Variants in CACNB4 observed in about 807,000 individuals in gnomAD.
The protein encoded by CACNB4 is voltage-dependent L-type calcium channel subunit beta-4.
In CACNB4, 32 loss-of-function variants were observed where a neutral mutation model predicts 71.2. That is an observed-to-expected ratio of 0.45 (90% CI 0.34 to 0.60). The LOEUF (loss-of-function observed/expected upper bound fraction) is 0.60. Ranked by LOEUF, CACNB4 falls within the 20% of genes least tolerant of loss-of-function variation. CACNB4 has a pLI of 0.01. For synonymous variants in CACNB4, 231 were observed against 236.9 expected (o/e 0.97, Z 0.23); for missense variants, 464 against 647.9 (o/e 0.72, Z 3.08).
chr2:152,035,979 T>C (rs1684570266), intron 2 of CACNB4, among the ~76,000 whole-genome samples: 1 of 152,130 alleles, frequency 6.6e-6, no homozygotes, highest in Admixed American at 6.5e-5. Flanking sequence ...GCAGACAATA[T>C]TATTCAGCCT....
intron 9 of CACNB4, among the ~76,000 whole-genome samples, chr2:151,862,559 G>C (rs1222148928): frequency 6.6e-6 from 1 of 152,208 alleles, no homozygotes; most frequent in Non-Finnish European, 1.5e-5. Flanking sequence ...GGACTAAAGG[G>C]AGGTTCAGTG....
chr2:151,900,461 G>T (rs1559960164), intron 2 of CACNB4, among the ~76,000 whole-genome samples: 1 of 152,174 alleles, frequency 6.6e-6, no homozygotes, highest in Non-Finnish European at 1.5e-5. Context: ...AGAAAAGGTG[G>T]GGGCAGCATG....
Position 151,947,669 on chromosome 2 carries a change from T to C in CACNB4, c.148-64299A>G, listed in dbSNP as rs1040715916. 3.7e-4 allele frequency among the ~76,000 whole-genome samples: 56 copies of C among 152,072 alleles called. 2 individuals are homozygous for C. ...TCATTTGCAAAAAGCTGCGAGGTCG[T>C]CCGGGTCTGGCAGCAAGGCTTCTAT... On this transcript the variant is annotated intron_variant, in intron 2 of 13. Coordinates refer to ENST00000539935, the MANE Select transcript of CACNB4 (RefSeq NM_000726.5).
chr2:151,910,219 C>T (rs949047312), intron 2 of CACNB4, among the ~76,000 whole-genome samples: 7 of 151,726 alleles, frequency 4.6e-5, no homozygotes, highest in African/African-American at 4.8e-5. Context: ...CCCACTTTTT[C>T]GTGGGGTTTT....
chr2:151,979,804 A>G (rs1325613883), intron 2 of CACNB4, among the ~76,000 whole-genome samples: 1 of 152,210 alleles, frequency 6.6e-6, no homozygotes, highest in Non-Finnish European at 1.5e-5. Context: ...GGTTGCAATC[A>G]AAGCTCTCAC....
intron 2 of CACNB4, among the ~76,000 whole-genome samples, chr2:152,085,129 G>A (rs192902745): frequency 2.1e-4 from 32 of 152,224 alleles, no homozygotes; most frequent in African/African-American, 6.5e-4. Flanking sequence ...GCACTTTAAG[G>A]TGAAGGAATG....
chr2:151,963,595 A>T (rs899901015), intron 2 of CACNB4, among the ~76,000 whole-genome samples: 1 of 152,226 alleles, frequency 6.6e-6, no homozygotes, highest in Non-Finnish European at 1.5e-5. Context: ...ATTTCAAGTT[A>T]AAAAGGTTGA....
chr2:151,905,560 A>C (rs950881430), intron 2 of CACNB4, among the ~76,000 whole-genome samples: 4 of 152,224 alleles, frequency 2.6e-5, no homozygotes, highest in Admixed American at 2.6e-4. Flanking sequence ...AATAGCCACA[A>C]ATGTATTTTG....
chr2:151,902,940 T>G (rs764474245), intron 2 of CACNB4, among the ~76,000 whole-genome samples: 1 of 152,188 alleles, frequency 6.6e-6, no homozygotes, highest in Non-Finnish European at 1.5e-5. Context: ...TGCTAATAGT[T>G]TCTGTTTTCA....
rs2099834761 is a variant in CACNB4, at chr2:151,835,764, C to T, written c.*3355G>A. 6.6e-6 allele frequency: 1 copy of T among 151,722 alleles called. No individual in the cohort carries two copies. The highest frequency in any genetic ancestry group is 2.1e-4 in the South Asian group (1 of 4,826). The allele number at this position is 151,722 out of a possible 1,614,324, so 9.4% of individuals were successfully genotyped here. A position where few individuals can be genotyped will look rare whatever the true frequency, so the allele number is the denominator to read the frequency against. On this transcript the variant is annotated 3_prime_UTR_variant, in exon 14 of 14. Coordinates refer to ENST00000539935, the MANE Select transcript of CACNB4 (RefSeq NM_000726.5). ...AAGGCCCCCACACAAAAGACAAGTT[C>T]AAGTATGCAGGTATGAAAAGAGGTT... is the stretch of plus-strand genomic sequence containing the variant.
intron 2 of CACNB4, among the ~76,000 whole-genome samples, chr2:152,035,651 C>CTCTCTCTCTCTCTCTCTCTCTATATA (rs796161186): frequency 5.9e-5 from 7 of 118,040 alleles, no homozygotes; most frequent in African/African-American, 2.5e-4. Context: ...CTCTCTCTCT[C>CTCTCTCTCTCTCTCTCTCTCTATATA]TATATATATA....
At chr2:152,030,639 T>G (rs532747335) in intron 2 of CACNB4, among the ~76,000 whole-genome samples, 1 of 152,280 alleles carries the variant, frequency 6.6e-6, no homozygotes, top group South Asian at 2.1e-4. Context: ...GATGTTCCCC[T>G]TCCTGTGTCC....
At chr2:151,989,731 T>C (rs1681584962) in intron 2 of CACNB4, among the ~76,000 whole-genome samples, 1 of 152,204 alleles carries the variant, frequency 6.6e-6, no homozygotes, top group Non-Finnish European at 1.5e-5. Context: ...GCCTACCAGA[T>C]ACCTCTCCTC....
intron 2 of CACNB4, among the ~76,000 whole-genome samples, chr2:152,092,850 G>GT (rs1487512997): frequency 3.3e-5 from 5 of 151,422 alleles, no homozygotes; most frequent in African/African-American, 1.2e-4. Context: ...TATATATAAT[G>GT]TTTTTTCCTA....
chr2:151,875,995 G>A (rs1578581660), intron 5 of CACNB4, among the ~76,000 whole-genome samples: 7 of 144,460 alleles, frequency 4.8e-5, no homozygotes, highest in South Asian at 2.3e-4. Flanking sequence ...CCTCCCTCCC[G>A]GACGGGGCGG....
chr2:152,031,955 C>A (rs1036869773), intron 2 of CACNB4, among the ~76,000 whole-genome samples: 1 of 152,178 alleles, frequency 6.6e-6, no homozygotes, highest in Non-Finnish European at 1.5e-5. Flanking sequence ...CAGCCCGTGG[C>A]TTGCTTGAAC....
chr2:152,050,581 C>T (rs1158622144), intron 2 of CACNB4, among the ~76,000 whole-genome samples: 3 of 152,038 alleles, frequency 2.0e-5, no homozygotes, highest in Non-Finnish European at 4.4e-5. Context: ...ACCAGTGCAG[C>T]GGCTCACACC....
At chr2:151,870,008 A>C (rs1394039305) in intron 8 of CACNB4, 12 of 546,580 alleles carry the variant, frequency 2.2e-5, no homozygotes, top group Non-Finnish European at 3.8e-5. Flanking sequence ...GTTTTGTTTA[A>C]TCTCCAAAGT....
At chr2:152,089,476 C>A (rs1483296720) in intron 2 of CACNB4, among the ~76,000 whole-genome samples, 1 of 152,180 alleles carries the variant, frequency 6.6e-6, no homozygotes, top group Non-Finnish European at 1.5e-5. Flanking sequence ...CAGCCTACAC[C>A]AGGCTCACCC....
Sources: gnomAD v4.1 joint callset for allele counts (sites outside exome capture counted in the v4.1 genomes callset) on GRCh38, gnomAD v4.1.1 for gene constraint, MANE v1.5 for transcripts, NCBI Gene and HGNC (gene_info 2026-07-23, HGNC 2026-07-21) for gene names.